Variants in NELL1 observed in about 807,000 individuals in gnomAD.
NELL1 encodes neural EGFL like 1.
In NELL1, 76 loss-of-function variants were observed where a neutral mutation model predicts 107.4. The ratio of observed to expected loss-of-function variants is 0.71; its 90% CI spans 0.59 to 0.86. The LOEUF (loss-of-function observed/expected upper bound fraction) is 0.86. NELL1 is among the 40% of genes least tolerant of loss of function. NELL1 has a pLI of 0.00. For synonymous variants in NELL1, 353 were observed against 341.2 expected, an observed-to-expected ratio of 1.03 and a Z score of -0.38; for missense variants, 1,024 against 1,005.5, an observed-to-expected ratio of 1.02 and a Z score of -0.25.
intron 14 of NELL1, among the ~76,000 whole-genome samples, chr11:21,243,756 T>C (rs192564729): frequency 1.1e-4 from 16 of 152,202 alleles, no homozygotes; most frequent in Non-Finnish European, 1.6e-4. Context: ...CAGTTCAGAC[T>C]AGCGACATTT....
chr11:21,317,059 G>A (rs549310648), intron 14 of NELL1, among the ~76,000 whole-genome samples: 1 of 151,932 alleles, frequency 6.6e-6, no homozygotes, highest in East Asian at 1.9e-4. Flanking sequence ...ATTGTCCTAG[G>A]TTAGTATAAA....
chr11:21,394,675 T>G (rs902906821), intron 15 of NELL1, among the ~76,000 whole-genome samples: 1 of 151,462 alleles, frequency 6.6e-6, no homozygotes, highest in African/African-American at 2.4e-5. Flanking sequence ...GGGAGACACA[T>G]TAGCTAATAA....
Position 21,560,343 on chromosome 11 carries a change from G to C in NELL1, c.1941G>C (p.Trp647Cys). 1 of 1,605,082 alleles carries C rather than the reference G, an allele frequency of 6.2e-7. No homozygotes were observed. ...EGGLKHNGQV[W>C]TLKEDRCSVC... is the part of the protein sequence containing the mutation. ...GGCTGAAGCACAATGGCCAGGTGTGGACCTTGAAAGAAGACAGGTGTTCTG... is the reference window on the plus strand; with the variant it reads ...GGCTGAAGCACAATGGCCAGGTGTGCACCTTGAAAGAAGACAGGTGTTCTG... Residue 647 changes from tryptophan (W) to cysteine (C), a missense_variant, in exon 17 of 20, where the codon TGG becomes TGC. By Grantham distance (215) the Trp-to-Cys change is radical. Transcript: ENST00000357134.
intron 12 of NELL1, among the ~76,000 whole-genome samples, chr11:20,991,423 G>A (rs1046850244): frequency 6.6e-6 from 1 of 152,134 alleles, no homozygotes; most frequent in African/African-American, 2.4e-5. Context: ...TTTAATTTTT[G>A]TACCAATTAT....
At chr11:21,489,348 G>C (rs543545052) in intron 15 of NELL1, among the ~76,000 whole-genome samples, 7 of 100,448 alleles carry the variant, frequency 7.0e-5, no homozygotes, top group Admixed American at 4.8e-4. Context: ...TAAATGTGTA[G>C]AGAACTAACA....
At chr11:21,081,702 C>T (rs76010482) in intron 12 of NELL1, among the ~76,000 whole-genome samples, 2,935 of 152,260 alleles carry the variant, frequency 0.019, 64 homozygotes, top group South Asian at 0.12. Context: ...GTTCAAACTG[C>T]TATGATCTCT....
chr11:21,467,576 G>GT (rs1055008753), intron 15 of NELL1, among the ~76,000 whole-genome samples: 1 of 151,758 alleles, frequency 6.6e-6, no homozygotes. Flanking sequence ...GCTTTATTAT[G>GT]TTTTTTTAAG....
chr11:20,797,405 A>C (rs1857191101), intron 3 of NELL1, among the ~76,000 whole-genome samples: 1 of 151,986 alleles, frequency 6.6e-6, no homozygotes, highest in South Asian at 2.1e-4. Flanking sequence ...TCTACTAAAA[A>C]TACAAAAAAA....
chr11:21,298,754 T>A (rs1288220431), intron 14 of NELL1, among the ~76,000 whole-genome samples: 1 of 152,004 alleles, frequency 6.6e-6, no homozygotes, highest in East Asian at 1.9e-4. Flanking sequence ...GGTCAAAATA[T>A]TTGCATGCCC....
intron 2 of NELL1, among the ~76,000 whole-genome samples, chr11:20,692,725 A>G (rs1164787224): frequency 6.6e-6 from 1 of 152,038 alleles, no homozygotes; most frequent in Non-Finnish European, 1.5e-5. Context: ...CAATTTTGGA[A>G]TAAGTGTGAT....
At chr11:21,250,089 C>T (rs1858599115) in intron 14 of NELL1, among the ~76,000 whole-genome samples, 1 of 152,088 alleles carries the variant, frequency 6.6e-6, no homozygotes, top group African/African-American at 2.4e-5. Flanking sequence ...TACTTAGTAA[C>T]CAGTACTTTT....
chr11:21,315,789 T>C (rs957224333), intron 14 of NELL1, among the ~76,000 whole-genome samples: 4 of 152,068 alleles, frequency 2.6e-5, no homozygotes, highest in Non-Finnish European at 5.9e-5. Context: ...TTATTTTCCC[T>C]CCAAACATAT....
chr11:20,680,522 TC>T (rs1854165289), intron 2 of NELL1, among the ~76,000 whole-genome samples: 1 of 152,072 alleles, frequency 6.6e-6, no homozygotes, highest in Non-Finnish European at 1.5e-5. Flanking sequence ...AAACAGGTAA[TC>T]TGCTTCCAAA....
chr11:21,375,138 A>G (rs1217957036), intron 15 of NELL1, among the ~76,000 whole-genome samples: 1 of 152,068 alleles, frequency 6.6e-6, no homozygotes, highest in Non-Finnish European at 1.5e-5. Context: ...TAGATATAGG[A>G]TGAGTAATCC....
At chr11:21,084,761 C>T (rs1854349743) in intron 12 of NELL1, among the ~76,000 whole-genome samples, 2 of 152,154 alleles carry the variant, frequency 1.3e-5, no homozygotes, top group Non-Finnish European at 2.9e-5. Context: ...TCTTATGTTT[C>T]TACCCCCTCT....
chr11:20,676,181 C>T (rs1157651297), intron 1 of NELL1, among the ~76,000 whole-genome samples: 1 of 152,136 alleles, frequency 6.6e-6, no homozygotes, highest in East Asian at 1.9e-4. Context: ...AGCTTCCTCC[C>T]ATCTTGCCTT....
intron 14 of NELL1, among the ~76,000 whole-genome samples, chr11:21,276,475 A>G (rs983752815): frequency 1.3e-5 from 2 of 152,208 alleles, no homozygotes; most frequent in Non-Finnish European, 2.9e-5. Context: ...ATACTGCCCA[A>G]GGTAATTTAT....
chr11:21,216,517 C>A (rs1398762652), intron 13 of NELL1, among the ~76,000 whole-genome samples: 3 of 152,198 alleles, frequency 2.0e-5, no homozygotes, highest in Non-Finnish European at 4.4e-5. Flanking sequence ...CTGTACCTTG[C>A]AAAGCCACAG....
intron 14 of NELL1, among the ~76,000 whole-genome samples, chr11:21,322,395 A>G (rs1850031804): frequency 2.0e-5 from 3 of 152,020 alleles, no homozygotes; most frequent in Admixed American, 1.3e-4. Context: ...ATGCCCTGAG[A>G]TTGGAGGGCA....
Sources: allele counts gnomAD v4.1 joint callset (sites outside exome capture counted in the v4.1 genomes callset), GRCh38; gene constraint gnomAD v4.1.1; transcripts MANE v1.5; gene names NCBI Gene and HGNC (gene_info 2026-07-23, HGNC 2026-07-21).